Variants in PIP5K1B observed in about 807,000 individuals in gnomAD.
PIP5K1B encodes phosphatidylinositol-4-phosphate 5-kinase type 1 beta.
Under a neutral mutation model 67.0 loss-of-function variants are expected in PIP5K1B, and 42 were observed. The ratio of observed to expected loss-of-function variants is 0.63; its 90% CI spans 0.49 to 0.81. The LOEUF is 0.81. PIP5K1B is among the 30% of genes least tolerant of loss of function. PIP5K1B has a pLI of 0.00. For missense variants in PIP5K1B, 459 were observed against 646.3 expected (o/e 0.71, Z 3.14); for synonymous variants, 214 against 231.4 (o/e 0.92, Z 0.68).
rs555280519 is a variant in PIP5K1B at position 68,891,811 on chromosome 9, C to T, written c.472-2528C>T. 7.2e-5 allele frequency among the ~76,000 whole-genome samples: 11 copies of T among 152,076 alleles called. No homozygotes were observed. The South Asian group carries it at 8.3e-4, about 12-fold the overall frequency. ...GTAAATCTACAAAATCCATTATATT[C>T]CATTATATAGATGATATAGAGTGGG... On this transcript the variant is annotated intron_variant, in intron 7 of 15. Coordinates refer to ENST00000265382, the MANE Select transcript of PIP5K1B (RefSeq NM_003558.4).
chr9:68,971,681 G>A (rs906710175), intron 14 of PIP5K1B, among the ~76,000 whole-genome samples: 17 of 152,144 alleles, frequency 1.1e-4, no homozygotes, highest in African/African-American at 2.7e-4. Context: ...TTTAATGATC[G>A]CCATTCTAAC....
chr9:68,894,725 G>A (rs1824992044), intron 8 of PIP5K1B, 87 bp downstream of exon 8: 22 of 1,275,866 alleles, frequency 1.7e-5, no homozygotes, highest in Non-Finnish European at 2.2e-5. Flanking sequence ...TAGAAATAAG[G>A]AATGTCCAAA....
intron 14 of PIP5K1B, among the ~76,000 whole-genome samples, chr9:68,982,074 C>T (rs1468259036): frequency 6.6e-6 from 1 of 152,156 alleles, no homozygotes; most frequent in East Asian, 1.9e-4. Context: ...CAGCCTGAAT[C>T]GAGAGAATTG....
At position 68,851,617 on chromosome 9, in the gene PIP5K1B, A is replaced by T. The variant is rs550680832; in HGVS notation, c.70-12220A>T. ...GGCTGTGTAGAGGCATGATTGGTAA[A>T]GCTGGACCTGGAAGAGTGGGTAGGA... On this transcript the variant is annotated intron_variant, in intron 4 of 15. Coordinates refer to ENST00000265382, the MANE Select transcript of PIP5K1B (RefSeq NM_003558.4). Among the ~76,000 whole-genome samples, 342 of 152,296 alleles carry T rather than the reference A, an allele frequency of 2.2e-3. 1 individual carries two copies. Among genetic ancestry groups the T allele is most frequent in the Non-Finnish European group, 3.7e-3 (253 of 68,032 alleles).
intron 2 of PIP5K1B, among the ~76,000 whole-genome samples, chr9:68,760,468 C>T (rs1478330000): frequency 6.6e-6 from 1 of 152,028 alleles, no homozygotes; most frequent in Non-Finnish European, 1.5e-5. Flanking sequence ...TGGTGTTTCT[C>T]ATTAGCTGCT....
chr9:68,726,313 G>A (rs897074144), intron 1 of PIP5K1B, among the ~76,000 whole-genome samples: 15 of 152,042 alleles, frequency 9.9e-5, no homozygotes, highest in Admixed American at 7.9e-4. Flanking sequence ...ATAGTCTGAT[G>A]ACCTATACCA....
intron 14 of PIP5K1B, among the ~76,000 whole-genome samples, chr9:68,955,093 G>A (rs1180706993): frequency 6.6e-6 from 1 of 152,208 alleles, no homozygotes; most frequent in East Asian, 1.9e-4. Flanking sequence ...TGACTTGCCT[G>A]GAGCTGTGTA....
chr9:68,907,020 C>T (rs1197656377), intron 8 of PIP5K1B, among the ~76,000 whole-genome samples: 1 of 152,238 alleles, frequency 6.6e-6, no homozygotes, highest in African/African-American at 2.4e-5. Context: ...TCTGTCCACT[C>T]AGATGTGCGG....
At chr9:68,925,060 G>A (rs945274588) in intron 12 of PIP5K1B, among the ~76,000 whole-genome samples, 12 of 151,226 alleles carry the variant, frequency 7.9e-5, no homozygotes, top group African/African-American at 2.4e-4. Context: ...TCATATCATT[G>A]TATATTCTAC....
intron 4 of PIP5K1B, among the ~76,000 whole-genome samples, chr9:68,854,354 T>G (rs1402561506): frequency 6.6e-6 from 1 of 152,038 alleles, no homozygotes; most frequent in Admixed American, 6.6e-5. Flanking sequence ...GATCTCATAC[T>G]CCTAGGCCCA....
chr9:68,791,964 A>G (rs1413696921), intron 2 of PIP5K1B, among the ~76,000 whole-genome samples: 1 of 152,198 alleles, frequency 6.6e-6, no homozygotes. Context: ...TCCTCTGCTT[A>G]AAATGGCATC....
At chr9:68,767,012 A>T (rs191629048) in intron 2 of PIP5K1B, among the ~76,000 whole-genome samples, 1 of 152,204 alleles carries the variant, frequency 6.6e-6, no homozygotes, top group Non-Finnish European at 1.5e-5. Flanking sequence ...ATAGTCAGGG[A>T]TATTGATATT....
intron 11 of PIP5K1B, among the ~76,000 whole-genome samples, chr9:68,920,394 G>A (rs1357281889): frequency 1.8e-5 from 2 of 109,916 alleles, no homozygotes; most frequent in African/African-American, 7.7e-5. Context: ...TTGAGATGGA[G>A]TCTTGCTCTG....
At chr9:68,956,893 C>T (rs1828426191) in intron 14 of PIP5K1B, among the ~76,000 whole-genome samples, 1 of 152,152 alleles carries the variant, frequency 6.6e-6, no homozygotes, top group Admixed American at 6.5e-5. Context: ...GCATAGTTCA[C>T]CTCAGGTGCC....
At chr9:68,713,790 T>C (rs903917975) in intron 1 of PIP5K1B, among the ~76,000 whole-genome samples, 4 of 152,196 alleles carry the variant, frequency 2.6e-5, no homozygotes, top group African/African-American at 9.7e-5. Flanking sequence ...AAAGTGTTAA[T>C]ATAAACATGG....
intron 8 of PIP5K1B, among the ~76,000 whole-genome samples, chr9:68,897,458 A>G (rs1168622319): frequency 1.3e-5 from 2 of 152,208 alleles, no homozygotes; most frequent in African/African-American, 4.8e-5. Context: ...AAGGATGAGA[A>G]GCTTTCTCCG....
At chr9:68,787,639 C>CT (rs869067830) in intron 2 of PIP5K1B, among the ~76,000 whole-genome samples, 23 of 140,576 alleles carry the variant, frequency 1.6e-4, no homozygotes, top group Admixed American at 6.3e-4. Context: ...ATCTTTCTTT[C>CT]TTTTTTTTTC....
intron 1 of PIP5K1B, among the ~76,000 whole-genome samples, chr9:68,733,268 A>G (rs1220606847): frequency 6.6e-6 from 1 of 152,204 alleles, no homozygotes; most frequent in South Asian, 2.1e-4. Flanking sequence ...TTCCTCCAGT[A>G]CAATGGTTAA....
intron 4 of PIP5K1B, among the ~76,000 whole-genome samples, chr9:68,846,696 A>G (rs943151066): frequency 2.0e-5 from 3 of 152,130 alleles, no homozygotes; most frequent in Non-Finnish European, 4.4e-5. Flanking sequence ...CTTCCTTCTA[A>G]ACCTTGGATC....
Sources: allele counts gnomAD v4.1 joint callset (sites outside exome capture counted in the v4.1 genomes callset), GRCh38; gene constraint gnomAD v4.1.1; transcripts MANE v1.5; gene names NCBI Gene and HGNC (gene_info 2026-07-23, HGNC 2026-07-21).